The following OTOA variants were observed in gnomAD, a reference collection of about 807,000 sequenced individuals.
OTOA encodes the protein otoancorin.
In OTOA, 70 loss-of-function variants were observed where a neutral mutation model predicts 110.8. The observed-to-expected ratio is 0.63, with a 90% CI of 0.52 to 0.77. The LOEUF (loss-of-function observed/expected upper bound fraction) is 0.77, where lower values mean the gene tolerates loss of function less well. Ranked by LOEUF, OTOA falls within the 30% of genes least tolerant of loss-of-function variation. The pLI, the probability that OTOA is intolerant of heterozygous loss-of-function variation, is 0.00. For missense variants in OTOA, 917 were observed against 1,075.8 expected, an observed-to-expected ratio of 0.85 and a Z score of 2.06; for synonymous variants, 373 against 431.5, an observed-to-expected ratio of 0.86 and a Z score of 1.68.
chr16:21,734,897 G>A (rs552140576), intron 21 of OTOA, among the ~76,000 whole-genome samples: 1 of 152,084 alleles, frequency 6.6e-6, no homozygotes, highest in East Asian at 1.9e-4. Context: ...CCAGCACTTT[G>A]GGAGGCCGAG....
intron 21 of OTOA, among the ~76,000 whole-genome samples, chr16:21,731,172 G>T (rs1899104149): frequency 6.6e-6 from 1 of 152,154 alleles, no homozygotes; most frequent in African/African-American, 2.4e-5. Context: ...TGTGCAGACA[G>T]ATATTACTTA....
chr16:21,735,681 C>T (rs561512532), intron 21 of OTOA, among the ~76,000 whole-genome samples: 7 of 152,254 alleles, frequency 4.6e-5, no homozygotes, highest in African/African-American at 1.7e-4. Flanking sequence ...ACAACCTCAG[C>T]CTCCTGGGCT....
chr16:21,760,727 T>C lies in OTOA; in HGVS notation c.*187T>C, dbSNP rs1417100027. ...TAATTATTAAAAATGATCTTGCAAA[T>C]TATTTTTAATTTTTTTAAATTTTAA... is the stretch of plus-strand genomic sequence containing the variant. On this transcript the variant is annotated 3_prime_UTR_variant, in exon 29 of 29. Transcript: ENST00000646100. 1 of 440,446 alleles carries C rather than the reference T, an allele frequency of 2.3e-6. No homozygotes were observed. The highest frequency in any genetic ancestry group is 4.9e-5 in the East Asian group (1 of 20,574). The allele number at this position is 440,446 out of a possible 1,614,324, so 27.3% of individuals were successfully genotyped here.
chr16:21,667,986 A>ATTTC (rs57855895), intron 1 of OTOA, among the ~76,000 whole-genome samples: 41,835 of 151,854 alleles, frequency 0.28, 6,036 homozygotes, highest in African/African-American at 0.36. Flanking sequence ...CCCTCCTTGA[A>ATTTC]ACAATAAGGA....
At position 21,685,433 on chromosome 16, in the gene OTOA, G is replaced by A. The variant is rs546606242; in HGVS notation, c.399+72G>A. 47 of 1,586,798 alleles carry A rather than the reference G, an allele frequency of 3.0e-5. No homozygotes were observed. The South Asian group carries it at 5.2e-4, about 17-fold the overall frequency. ...GTGGTGTTTGTTGAATTGAATAAAT[G>A]GAGCCTGACTTAGGCCTTGGCACTT... On this transcript the variant is annotated intron_variant, in intron 7 of 28. Transcript: ENST00000646100.
chr16:21,711,167 G>C (rs1485449346), intron 13 of OTOA, among the ~76,000 whole-genome samples: 41 of 152,174 alleles, frequency 2.7e-4, no homozygotes, highest in Non-Finnish European at 2.9e-5. Context: ...TCAACGTGTG[G>C]GACTCATCCC....
chr16:21,707,407 G>A (rs941609255), intron 12 of OTOA, among the ~76,000 whole-genome samples: 3 of 152,050 alleles, frequency 2.0e-5, no homozygotes, highest in East Asian at 2.0e-4. Context: ...TTGTGGCAGC[G>A]CTCCAGTTTT....
intron 1 of OTOA, among the ~76,000 whole-genome samples, chr16:21,672,464 A>T (rs1361703909): frequency 2.0e-5 from 3 of 151,980 alleles, no homozygotes; most frequent in African/African-American, 7.3e-5. Flanking sequence ...CTCTACTAAA[A>T]ATACAAAAAT....
chr16:21,722,098 A>C (rs1218998921), intron 17 of OTOA, among the ~76,000 whole-genome samples: 2 of 42,078 alleles, frequency 4.8e-5, no homozygotes, highest in Admixed American at 5.1e-4. Flanking sequence ...CTAAAAATAC[A>C]AAAAAAAAAA....
At chr16:21,677,977 C>A (rs1330675579) in intron 1 of OTOA, among the ~76,000 whole-genome samples, 1 of 152,084 alleles carries the variant, frequency 6.6e-6, no homozygotes, top group African/African-American at 2.4e-5. Flanking sequence ...ACCTCTACCT[C>A]ACAGATTCAG....
chr16:21,698,638 GACCCAGCAA>G (rs1897991023), intron 10 of OTOA, among the ~76,000 whole-genome samples: 2 of 152,090 alleles, frequency 1.3e-5, no homozygotes, highest in Non-Finnish European at 2.9e-5. Context: ...AGGACCCATT[GACCCAGCAA>G]TGTGTGGTTA....
intron 20 of OTOA, among the ~76,000 whole-genome samples, chr16:21,728,812 C>T (rs573232257): frequency 1.3e-5 from 2 of 152,174 alleles, no homozygotes; most frequent in South Asian, 4.2e-4. Flanking sequence ...TGGTCTTGAT[C>T]TCCTGACCTC....
intron 17 of OTOA, among the ~76,000 whole-genome samples, chr16:21,722,297 T>C (rs1898778297): frequency 6.7e-6 from 1 of 148,284 alleles, no homozygotes; most frequent in South Asian, 2.1e-4. Flanking sequence ...AGTGAGCTCA[T>C]ACTATACATG....
At chr16:21,664,974 G>GAATA (rs1053682464) in intron 1 of OTOA, among the ~76,000 whole-genome samples, 4 of 142,562 alleles carry the variant, frequency 2.8e-5, no homozygotes, top group Non-Finnish European at 3.0e-5. Context: ...TCTGTCTCAT[G>GAATA]AATGAATAAA....
intron 12 of OTOA, among the ~76,000 whole-genome samples, chr16:21,709,295 T>C (rs1314217651): frequency 6.6e-6 from 1 of 152,074 alleles, no homozygotes; most frequent in Non-Finnish European, 1.5e-5. Flanking sequence ...AGTGTGGTGG[T>C]GGGTGCCTGT....
chr16:21,693,220 T>C (rs1897869067), intron 9 of OTOA, among the ~76,000 whole-genome samples: 1 of 152,164 alleles, frequency 6.6e-6, no homozygotes, highest in Non-Finnish European at 1.5e-5. Flanking sequence ...GCTGGGATTG[T>C]GCCACTGCAT....
At chr16:21,678,256 C>T (rs931502873) in intron 1 of OTOA, among the ~76,000 whole-genome samples, 3 of 151,722 alleles carry the variant, frequency 2.0e-5, no homozygotes, top group African/African-American at 7.3e-5. Flanking sequence ...GATAAACAGG[C>T]CATTGTAGTC....
At chr16:21,668,470 T>G (rs915994571) in intron 1 of OTOA, among the ~76,000 whole-genome samples, 3 of 149,728 alleles carry the variant, frequency 2.0e-5, no homozygotes, top group Non-Finnish European at 4.5e-5. Flanking sequence ...TTTTTTTTTT[T>G]TTTTTTGGAG....
At chr16:21,703,701 C>T (rs916977863) in intron 11 of OTOA, among the ~76,000 whole-genome samples, 1 of 152,156 alleles carries the variant, frequency 6.6e-6, no homozygotes, top group African/African-American at 2.4e-5. Flanking sequence ...TGGCAGCTCT[C>T]CTGTGGGCAT....
Sources: gnomAD v4.1 joint callset for allele counts (sites outside exome capture counted in the v4.1 genomes callset) on GRCh38, gnomAD v4.1.1 for gene constraint, MANE v1.5 for transcripts, NCBI Gene and HGNC (gene_info 2026-07-23, HGNC 2026-07-21) for gene names.